The following EGFLAM variants were observed in gnomAD, a reference collection of about 807,000 sequenced individuals.
The protein encoded by EGFLAM is pikachurin.
In EGFLAM, 79 loss-of-function variants were observed where a neutral mutation model predicts 113.1. The observed-to-expected ratio is 0.70, with a 90% CI of 0.58 to 0.84. The LOEUF (loss-of-function observed/expected upper bound fraction) is 0.84. EGFLAM is among the 40% of genes least tolerant of loss of function. EGFLAM has a pLI of 0.00. For missense variants in EGFLAM, 1,265 were observed against 1,291.6 expected (o/e 0.98, Z 0.32); for synonymous variants, 504 against 487.6 (o/e 1.03, Z -0.44).
intron 19 of EGFLAM, among the ~76,000 whole-genome samples, chr5:38,455,781 C>T (rs1743067320): frequency 1.3e-5 from 2 of 152,174 alleles, no homozygotes; most frequent in African/African-American, 4.8e-5. Flanking sequence ...AGAGCACATT[C>T]TAGCTCTTGG....
chr5:38,459,780 C>T (rs963499457), intron 20 of EGFLAM, among the ~76,000 whole-genome samples: 1 of 3,228 alleles, frequency 3.1e-4, no homozygotes, highest in Non-Finnish European at 4.5e-4. Context: ...CCCCTGGCTG[C>T]TGGGCCCCCA....
intron 13 of EGFLAM, 45 bp downstream of exon 13, chr5:38,425,137 T>C: frequency 6.2e-7 from 1 of 1,601,382 alleles, no homozygotes; most frequent in Non-Finnish European, 8.5e-7. Flanking sequence ...TGCATGTTAA[T>C]TTGTGTAGAT....
rs183198963 is a variant in EGFLAM, at chr5:38,412,052, C to T, written c.1350-452C>T. On this transcript the variant is annotated intron_variant, in intron 10 of 21. Coordinates refer to ENST00000322350, the MANE Select transcript of EGFLAM (RefSeq NM_152403.4). ...TAACCTCAGGTGATCCGCCCGCCTT[C>T]GCCTTCCAAAGTGCTGGGATTACAG... Among the ~76,000 whole-genome samples, 322 of 152,120 alleles carry T rather than the reference C, an allele frequency of 2.1e-3. 6 individuals carry two copies. In the East Asian group the frequency reaches 0.046, roughly 22 times the overall value.
intron 6 of EGFLAM, among the ~76,000 whole-genome samples, chr5:38,370,934 T>C (rs1338647087): frequency 6.6e-6 from 1 of 152,198 alleles, no homozygotes; most frequent in Admixed American, 6.5e-5. Flanking sequence ...AGCGCTGACA[T>C]GGAGCTGGGG....
chr5:38,448,498 C>A, intron 18 of EGFLAM, 119 bp downstream of exon 18: 1 of 1,037,822 alleles, frequency 9.6e-7, no homozygotes. Flanking sequence ...GACCATTCAG[C>A]CATGGCCTCA....
chr5:38,349,982 CACACAG>C lies in EGFLAM; in HGVS notation c.292-515_292-510del, dbSNP rs1183032078. 3.8e-4 allele frequency among the ~76,000 whole-genome samples: 56 copies of C among 145,474 alleles called. No homozygotes were observed. The South Asian group carries it at 4.3e-3, about 11-fold the overall frequency. ...ACACACACACACACACACACACACA[CACACAG>C]ACAGACACACAGACATACTTTTAAG... is the stretch of plus-strand genomic sequence containing the variant. On this transcript the variant is annotated intron_variant, in intron 3 of 21. Coordinates refer to ENST00000322350, the MANE Select transcript of EGFLAM (RefSeq NM_152403.4).
At chr5:38,313,860 A>T (rs1371815625) in intron 1 of EGFLAM, among the ~76,000 whole-genome samples, 1 of 152,184 alleles carries the variant, frequency 6.6e-6, no homozygotes, top group Admixed American at 6.5e-5. Context: ...GCACCATAAA[A>T]TGTTTTTGTC....
intron 6 of EGFLAM, among the ~76,000 whole-genome samples, chr5:38,387,564 C>T (rs1302876782): frequency 1.3e-5 from 2 of 152,240 alleles, no homozygotes; most frequent in African/African-American, 2.4e-5. Flanking sequence ...ACCCACCACA[C>T]AATTCTGTTT....
intron 1 of EGFLAM, among the ~76,000 whole-genome samples, chr5:38,287,186 T>C (rs1212092296): frequency 1.3e-5 from 2 of 152,228 alleles, no homozygotes; most frequent in Non-Finnish European, 2.9e-5. Context: ...CCTCCTAGAT[T>C]TGTGACCTTG....
chr5:38,311,746 G>T (rs1337288276), intron 1 of EGFLAM, among the ~76,000 whole-genome samples: 1 of 152,112 alleles, frequency 6.6e-6, no homozygotes, highest in Non-Finnish European at 1.5e-5. Flanking sequence ...TTGAAGTGAA[G>T]TTGGCAATCC....
chr5:38,339,982 C>G (rs1026008705), intron 3 of EGFLAM, among the ~76,000 whole-genome samples: 9 of 152,186 alleles, frequency 5.9e-5, no homozygotes, highest in African/African-American at 1.9e-4. Context: ...ACCAAGGAGT[C>G]TGATTGTCCC....
intron 1 of EGFLAM, among the ~76,000 whole-genome samples, chr5:38,329,389 C>T (rs1738982715): frequency 6.6e-6 from 1 of 151,836 alleles, no homozygotes; most frequent in Non-Finnish European, 1.5e-5. Context: ...TTTGAGATCC[C>T]ATATTTAACT....
intron 5 of EGFLAM, among the ~76,000 whole-genome samples, chr5:38,368,137 A>T (rs1231446516): frequency 2.0e-5 from 3 of 152,222 alleles, no homozygotes; most frequent in Non-Finnish European, 4.4e-5. Flanking sequence ...AGCTTAGCAA[A>T]CGATAGCAGA....
chr5:38,273,017 T>A (rs1034226098), intron 1 of EGFLAM, among the ~76,000 whole-genome samples: 2 of 152,152 alleles, frequency 1.3e-5, no homozygotes, highest in Non-Finnish European at 2.9e-5. Context: ...TATCCATGCA[T>A]GAAAATACTT....
chr5:38,402,912 A>G lies in EGFLAM; in HGVS notation c.713-3214A>G, dbSNP rs150602777. 7.9e-4 allele frequency among the ~76,000 whole-genome samples: 121 copies of G among 152,354 alleles called. 1 individual carries two copies. The East Asian group carries it at 0.022, about 28-fold the overall frequency. ...TTTTCAGATAGGAAATCATAGGATA[A>G]AGATGAAGAGAATCTTAACCTTGTT... On this transcript the variant is annotated intron_variant, in intron 6 of 21. Transcript: ENST00000322350.
chr5:38,399,090 C>G (rs541691307), intron 6 of EGFLAM, among the ~76,000 whole-genome samples: 1 of 152,264 alleles, frequency 6.6e-6, no homozygotes, highest in African/African-American at 2.4e-5. Flanking sequence ...TGCAAACTCC[C>G]TTCTGTCCAG....
At chr5:38,357,693 G>A (rs1383937793) in intron 5 of EGFLAM, among the ~76,000 whole-genome samples, 1 of 152,124 alleles carries the variant, frequency 6.6e-6, no homozygotes, top group African/African-American at 2.4e-5. Flanking sequence ...GTGATCCTCA[G>A]ATTCAGATAT....
intron 17 of EGFLAM, among the ~76,000 whole-genome samples, chr5:38,442,465 TAA>T (rs1366424580): frequency 4.0e-5 from 6 of 149,858 alleles, no homozygotes; most frequent in Non-Finnish European, 8.9e-5. Flanking sequence ...ATATTAAAAA[TAA>T]GTCATTTCAA....
chr5:38,416,807 C>A (rs765023724), intron 11 of EGFLAM, among the ~76,000 whole-genome samples: 1 of 152,122 alleles, frequency 6.6e-6, no homozygotes, highest in Non-Finnish European at 1.5e-5. Flanking sequence ...TGGCAAACAG[C>A]GTAACCTGAC....
Sources: allele counts gnomAD v4.1 joint callset (sites outside exome capture counted in the v4.1 genomes callset), GRCh38; gene constraint gnomAD v4.1.1; transcripts MANE v1.5; gene names NCBI Gene and HGNC (gene_info 2026-07-23, HGNC 2026-07-21).